The following MDN1 variants were observed in gnomAD, a reference collection of about 807,000 sequenced individuals.
MDN1 encodes the protein midasin.
A neutral mutation model predicts 669.2 loss-of-function variants in MDN1; 266 were observed. That is an observed-to-expected ratio of 0.40 (90% CI 0.36 to 0.44). The LOEUF (loss-of-function observed/expected upper bound fraction) is 0.44, where lower values mean the gene tolerates loss of function less well. Ranked by LOEUF, MDN1 falls within the 20% of genes least tolerant of loss-of-function variation. The pLI is 1.00. For synonymous variants in MDN1, 2,385 were observed against 2,457.1 expected (o/e 0.97, Z 0.87); for missense variants, 5,940 against 6,754.0 (o/e 0.88, Z 4.22).
chr6:89,702,505 T>G (rs1336014702), intron 53 of MDN1, among the ~76,000 whole-genome samples: 1 of 152,280 alleles, frequency 6.6e-6, no homozygotes, highest in Non-Finnish European at 1.5e-5. Context: ...TGGTGGATGG[T>G]ACCGCACTGC....
intron 40 of MDN1, 93 bp from the exon 41 acceptor site, chr6:89,719,318 C>A (rs553375886): frequency 5.9e-6 from 6 of 1,025,450 alleles, no homozygotes; most frequent in Non-Finnish European, 6.0e-6. Context: ...ATAAGAGTCA[C>A]TATTCTAAAA....
chr6:89,766,928 T>C (rs1817829214), intron 15 of MDN1, among the ~76,000 whole-genome samples: 1 of 152,202 alleles, frequency 6.6e-6, no homozygotes, highest in Admixed American at 6.5e-5. Context: ...CTCTATTTTT[T>C]TTCTTCTTTC....
intron 9 of MDN1, among the ~76,000 whole-genome samples, chr6:89,783,417 G>A (rs545896165): frequency 2.6e-5 from 4 of 152,204 alleles, no homozygotes; most frequent in African/African-American, 9.6e-5. Flanking sequence ...TAAATTTGTG[G>A]TCAGACCGGT....
chr6:89,659,430 TC>T (rs1809557830), intron 88 of MDN1, among the ~76,000 whole-genome samples: 1 of 152,186 alleles, frequency 6.6e-6, no homozygotes, highest in Non-Finnish European at 1.5e-5. Context: ...GTTTACCCCA[TC>T]CGTTTTGTAC....
intron 26 of MDN1, among the ~76,000 whole-genome samples, chr6:89,747,890 CAAAAAAAAAAAAA>C (rs55885838): frequency 1.2e-5 from 1 of 84,048 alleles, no homozygotes; most frequent in Non-Finnish European, 2.2e-5. Context: ...GACTCCGTCT[CAAAAAAAAAAAAA>C]AAAAAAAAAG....
Position 89,684,432 on chromosome 6 carries a change from T to C in MDN1, c.11829+444A>G, listed in dbSNP as rs141662423. Among the ~76,000 whole-genome samples the C allele has an allele frequency of 6.7e-5, 10 of 149,908 alleles. No individual in the cohort carries two copies. In the East Asian group the frequency reaches 1.9e-3, roughly 29 times the overall value. On this transcript the variant is annotated intron_variant, in intron 71 of 101. Transcript: ENST00000369393. ...AAAGAGTGCTGCTACAGTCATTAAGTCACCTGACATATACTCCAGCTTAGG... is the reference window on the plus strand; with the variant it reads ...AAAGAGTGCTGCTACAGTCATTAAGCCACCTGACATATACTCCAGCTTAGG...
chr6:89,684,209 G>A (rs1811845317), intron 71 of MDN1, among the ~76,000 whole-genome samples: 1 of 152,094 alleles, frequency 6.6e-6, no homozygotes, highest in African/African-American at 2.4e-5. Flanking sequence ...CGGGCTTGGT[G>A]GCTTGCACCT....
At chr6:89,663,041 C>G (rs1809917200) in intron 85 of MDN1, 74 bp from the exon 86 acceptor site, 1 of 1,547,530 alleles carries the variant, frequency 6.5e-7, no homozygotes, top group South Asian at 1.1e-5. Flanking sequence ...GAGGTGTGGA[C>G]CCGCTTCCCT....
At position 89,756,288 on chromosome 6, in the gene MDN1, T is replaced by C. The variant is rs1584323728; in HGVS notation, c.2805A>G (p.Gln935=). ...KGLSVNKNTV[Q]GIINFYTALR... Reference sequence around the variant, plus strand: ...AAAAGGGAACCTACTTTATGATTCCTTGCACTGTATTCTTGTTCACACTCA... The same window carrying C: ...AAAAGGGAACCTACTTTATGATTCCCTGCACTGTATTCTTGTTCACACTCA... The change falls in exon 20 of 102, where the codon CAA becomes CAG. Residue 935 remains glutamine, a synonymous_variant. Coordinates refer to ENST00000369393, the MANE Select transcript of MDN1 (RefSeq NM_014611.3). 6.4e-7 allele frequency: 1 copy of C among 1,556,608 alleles called. No individual in the cohort carries two copies. The highest frequency in any genetic ancestry group is 8.7e-7 in the Non-Finnish European group (1 of 1,144,286).
Position 89,702,050 on chromosome 6 carries a change from A to G in MDN1, c.8160T>C (p.Ser2720=). ...SDASANEILG[S]LRWRDRFWTV... Reference sequence around the variant, plus strand: ...TCCAGAACCGGTCCCGCCACCGCAGAGAACCTAAGATCTAAAAACAAAGTC... The same window carrying G: ...TCCAGAACCGGTCCCGCCACCGCAGGGAACCTAAGATCTAAAAACAAAGTC... The change falls in exon 54 of 102, where the codon TCT becomes TCC. Residue 2720 remains serine, a synonymous_variant. Transcript: ENST00000369393. 1 of 1,597,554 alleles carries G rather than the reference A, an allele frequency of 6.3e-7. No homozygotes were observed. The highest frequency in any genetic ancestry group is 1.4e-5 in the African/African-American group (1 of 73,902).
At chr6:89,720,317 G>A (rs1340657064) in intron 40 of MDN1, among the ~76,000 whole-genome samples, 2 of 150,902 alleles carry the variant, frequency 1.3e-5, no homozygotes, top group Non-Finnish European at 2.9e-5. Context: ...GCTGAGCCAG[G>A]AGAATCACTT....
At chr6:89,739,219 T>C (rs767703387) in intron 32 of MDN1, among the ~76,000 whole-genome samples, 14 of 152,158 alleles carry the variant, frequency 9.2e-5, no homozygotes, top group Non-Finnish European at 1.6e-4. Context: ...TTGTTAGGCA[T>C]GCGAAACTAA....
At chr6:89,750,620 T>A (rs1334831470) in intron 23 of MDN1, 88 bp from the exon 24 acceptor site, 3 of 1,311,006 alleles carry the variant, frequency 2.3e-6, no homozygotes, top group Non-Finnish European at 2.1e-6. Context: ...TTGTTTTGTT[T>A]GACAAAGGGT....
At chr6:89,784,318 A>AAAAAT (rs1562215867) in intron 9 of MDN1, among the ~76,000 whole-genome samples, 2 of 152,188 alleles carry the variant, frequency 1.3e-5, no homozygotes, top group Non-Finnish European at 2.9e-5. Context: ...CTGTTTAAAA[A>AAAAAT]AAAATAAAAT....
chr6:89,793,587 T>C (rs1231938451), intron 5 of MDN1, among the ~76,000 whole-genome samples, 175 bp downstream of exon 5: 1 of 152,114 alleles, frequency 6.6e-6, no homozygotes, highest in African/African-American at 2.4e-5. Context: ...ACAAGAACAG[T>C]GGGAATATCA....
intron 19 of MDN1, among the ~76,000 whole-genome samples, chr6:89,757,892 A>G (rs957605241): frequency 1.3e-5 from 2 of 152,022 alleles, no homozygotes; most frequent in Admixed American, 1.3e-4. Flanking sequence ...AAAAAAAAAT[A>G]GAGAAATCAG....
At chr6:89,662,740 G>T in intron 86 of MDN1, 52 bp downstream of exon 86, 1 of 1,581,348 alleles carries the variant, frequency 6.3e-7, no homozygotes, top group Non-Finnish European at 8.7e-7. Context: ...GTAGGTTGTG[G>T]GCAGATTACC....
At chr6:89,655,699 T>G in intron 92 of MDN1, 65 bp downstream of exon 92, 1 of 1,392,216 alleles carries the variant, frequency 7.2e-7, no homozygotes, top group Non-Finnish European at 9.8e-7. Context: ...TTATTATAGG[T>G]CACATAGCAC....
chr6:89,689,590 AGTCCTT>A (rs904614309), intron 65 of MDN1, among the ~76,000 whole-genome samples: 1 of 152,234 alleles, frequency 6.6e-6, no homozygotes, highest in African/African-American at 2.4e-5. Context: ...ATTTAAATTA[AGTCCTT>A]GTCCTTATTT....
Sources: gnomAD v4.1 joint callset for allele counts (sites outside exome capture counted in the v4.1 genomes callset) on GRCh38, gnomAD v4.1.1 for gene constraint, MANE v1.5 for transcripts, NCBI Gene and HGNC (gene_info 2026-07-23, HGNC 2026-07-21) for gene names.